The following VSIG10 variants were observed in gnomAD, a reference collection of about 807,000 sequenced individuals.
VSIG10 encodes V-set and immunoglobulin domain containing 10.
A neutral mutation model predicts 58.7 loss-of-function variants in VSIG10; 48 were observed. That is an observed-to-expected ratio of 0.82 (90% confidence interval 0.65 to 1.04). The LOEUF (loss-of-function observed/expected upper bound fraction) is 1.04. VSIG10 is among the 50% of genes least tolerant of loss of function. The pLI, the probability that VSIG10 is intolerant of heterozygous loss-of-function variation, is 0.00. For missense variants in VSIG10, 628 were observed against 670.0 expected (o/e 0.94, Z 0.69); for synonymous variants, 260 against 267.1 (o/e 0.97, Z 0.26).
intron 2 of VSIG10, among the ~76,000 whole-genome samples, chr12:118,086,036 G>A (rs1463912740): frequency 6.6e-6 from 1 of 151,680 alleles, no homozygotes; most frequent in African/African-American, 2.4e-5. Flanking sequence ...GCAAATGCGT[G>A]TAATACCACC....
At chr12:118,071,498 T>G (rs1461646993) in intron 5 of VSIG10, 29 bp from the exon 6 acceptor site, 1 of 1,587,762 alleles carries the variant, frequency 6.3e-7, no homozygotes, top group Non-Finnish European at 8.6e-7. Context: ...CCATTGATTC[T>G]TCCATCAGAT....
At chr12:118,083,305 C>T (rs914975822) in intron 2 of VSIG10, among the ~76,000 whole-genome samples, 2 of 151,710 alleles carry the variant, frequency 1.3e-5, no homozygotes, top group Admixed American at 6.6e-5. Context: ...AGGGCCAGCA[C>T]GGTGGCTCAT....
At chr12:118,069,537 T>C (rs1037837856) in intron 7 of VSIG10, among the ~76,000 whole-genome samples, 1 of 150,924 alleles carries the variant, frequency 6.6e-6, no homozygotes, top group Non-Finnish European at 1.5e-5. Flanking sequence ...GCAATTCTCC[T>C]GCTTCAACCT....
At chr12:118,075,522 AT>A (rs1391797986) in intron 4 of VSIG10, among the ~76,000 whole-genome samples, 1 of 151,906 alleles carries the variant, frequency 6.6e-6, no homozygotes, top group Non-Finnish European at 1.5e-5. Flanking sequence ...TGCCTGGCTA[AT>A]TTTTGTACTT....
Position 118,095,690 on chromosome 12 carries a change from C to T in VSIG10, c.204G>A (p.Ser68=), listed in dbSNP as rs548600663. ...RNNSEPVFLL[S]SNSSLRPAEP... ...CAGCTGGCCGGAGGCTAGAGTTGGA[C>T]GAGAGAAGGAAGACAGGCTCCGAGT... The change falls in exon 2 of 9, where the codon TCG becomes TCA. Residue 68 remains serine (S), a synonymous_variant. Transcript: ENST00000359236. 35 of 1,613,890 alleles carry T rather than the reference C, an allele frequency of 2.2e-5. No individual in the cohort carries two copies. The highest frequency in any genetic ancestry group is 8.9e-5 in the East Asian group (4 of 44,860).
intron 1 of VSIG10, among the ~76,000 whole-genome samples, chr12:118,096,578 C>CAA (rs371525608): frequency 6.9e-4 from 80 of 116,764 alleles, no homozygotes; most frequent in South Asian, 2.1e-3. Flanking sequence ...AACTCCGTCT[C>CAA]AAAAAAAAAA....
rs982984466 is a variant in VSIG10 at position 118,068,325 on chromosome 12, G to A, written c.1567+52C>T. 5.1e-6 allele frequency: 8 copies of A among 1,575,832 alleles called. No homozygotes were observed. In the African/African-American group the frequency reaches 5.4e-5, roughly 11 times the overall value. ...GCTGGGATTATAGGCGTGAGCCAACGCGCCTTTTTTTGTTTGTTTTCTGTT... is the reference window on the plus strand; with the variant it reads ...GCTGGGATTATAGGCGTGAGCCAACACGCCTTTTTTTGTTTGTTTTCTGTT... On this transcript the variant is annotated intron_variant, in intron 8 of 8. Transcript: ENST00000359236.
chr12:118,080,636 G>A, intron 3 of VSIG10, among the ~76,000 whole-genome samples: 1 of 152,160 alleles, frequency 6.6e-6, no homozygotes, highest in East Asian at 1.9e-4. Flanking sequence ...ACAGATGGAT[G>A]GATGAACAAA....
At chr12:118,095,385 G>A (rs2033418227) in intron 2 of VSIG10, 148 bp downstream of exon 2, 9 of 975,144 alleles carry the variant, frequency 9.2e-6, no homozygotes, top group Non-Finnish European at 1.4e-5. Context: ...GGAAATAGAG[G>A]TGTGAGAGGT....
rs145475496 is a variant in VSIG10, at chr12:118,064,590, G to T, written c.*2049C>A. ...TTCAGTGACTTTAGAAGCAAGCTGAGTATCTCATTCTAAAATGACACTGAT... is the reference window on the plus strand; with the variant it reads ...TTCAGTGACTTTAGAAGCAAGCTGATTATCTCATTCTAAAATGACACTGAT... On this transcript the variant is annotated 3_prime_UTR_variant, in exon 9 of 9. Transcript: ENST00000359236. The T allele has an allele frequency of 1.3e-3, 192 of 152,236 alleles. No homozygotes were observed. The highest frequency in any genetic ancestry group is 4.5e-3 in the African/African-American group (185 of 41,538). The allele number at this position is 152,236 out of a possible 1,614,324, so 9.4% of individuals were successfully genotyped here.
chr12:118,071,283 G>T, intron 6 of VSIG10, 76 bp downstream of exon 6: 1 of 1,439,948 alleles, frequency 6.9e-7, no homozygotes, highest in Non-Finnish European at 9.7e-7. Context: ...TGGGAGCAAG[G>T]CAGGGGCCAT....
In VSIG10 at chr12:118,084,378, A is replaced by C. The variant is rs531472409; in HGVS notation, c.362-1949T>G. On this transcript the variant is annotated intron_variant, in intron 2 of 8. Coordinates refer to ENST00000359236, the MANE Select transcript of VSIG10 (RefSeq NM_019086.6). ...AGACCAGGAATTTTATTCGAAAATG[A>C]CTTCAGAATGCACCACACAGTCTGT... 2.5e-4 allele frequency among the ~76,000 whole-genome samples: 38 copies of C among 152,296 alleles called. No homozygotes were observed. In the South Asian group the frequency reaches 7.9e-3, roughly 32 times the overall value.
At chr12:118,085,010 C>T (rs558163066) in intron 2 of VSIG10, among the ~76,000 whole-genome samples, 1 of 152,280 alleles carries the variant, frequency 6.6e-6, no homozygotes, top group African/African-American at 2.4e-5. Flanking sequence ...CAGAGTGAGA[C>T]TCCGTCTCGA....
intron 2 of VSIG10, among the ~76,000 whole-genome samples, chr12:118,093,617 A>G (rs572602464): frequency 6.6e-6 from 1 of 151,856 alleles, no homozygotes; most frequent in Non-Finnish European, 1.5e-5. Context: ...GTAGTATAAG[A>G]GTGCTCACTA....
chr12:118,083,616 A>G (rs1170359265), intron 2 of VSIG10, among the ~76,000 whole-genome samples: 2 of 151,978 alleles, frequency 1.3e-5, no homozygotes, highest in Non-Finnish European at 2.9e-5. Context: ...GTGTGGTATC[A>G]TGTGCCTATA....
At chr12:118,092,717 C>G (rs905104581) in intron 2 of VSIG10, among the ~76,000 whole-genome samples, 7 of 150,922 alleles carry the variant, frequency 4.6e-5, no homozygotes, top group Admixed American at 2.6e-4. Flanking sequence ...TCACTGCAGC[C>G]TCGACCTCCC....
chr12:118,078,724 T>G (rs1196960617), intron 4 of VSIG10, among the ~76,000 whole-genome samples: 1 of 151,598 alleles, frequency 6.6e-6, no homozygotes, highest in Non-Finnish European at 1.5e-5. Flanking sequence ...GGTAGATCAC[T>G]TGGGGTCAGT....
At chr12:118,096,518 C>T (rs1053088600) in intron 1 of VSIG10, among the ~76,000 whole-genome samples, 3 of 148,434 alleles carry the variant, frequency 2.0e-5, no homozygotes, top group East Asian at 2.0e-4. Flanking sequence ...GCAGAGGTTG[C>T]GCTGAGCCGA....
intron 2 of VSIG10, among the ~76,000 whole-genome samples, chr12:118,087,235 T>C (rs2033153132): frequency 6.6e-6 from 1 of 152,154 alleles, no homozygotes; most frequent in Non-Finnish European, 1.5e-5. Context: ...CATACTCTTG[T>C]TGTGGGATGA....
Sources: allele counts gnomAD v4.1 joint callset (sites outside exome capture counted in the v4.1 genomes callset), GRCh38; gene constraint gnomAD v4.1.1; transcripts MANE v1.5; gene names NCBI Gene and HGNC (gene_info 2026-07-23, HGNC 2026-07-21).